The following MAP3K21 variants were observed in gnomAD, a reference collection of about 807,000 sequenced individuals.
The protein encoded by MAP3K21 is mitogen-activated protein kinase kinase kinase 21.
A neutral mutation model predicts 86.1 loss-of-function variants in MAP3K21; 63 were observed. The ratio of observed to expected loss-of-function variants is 0.73; its 90% confidence interval spans 0.60 to 0.90. The LOEUF is 0.90. Ranked by LOEUF, MAP3K21 falls within the 40% of genes least tolerant of loss-of-function variation. The probability of loss-of-function intolerance (pLI) is 0.00; values close to 1 mark genes in which losing one functional copy is unlikely to be tolerated. For missense variants in MAP3K21, 1,220 were observed against 1,367.7 expected, an observed-to-expected ratio of 0.89 and a Z score of 1.70; for synonymous variants, 558 against 564.8, an observed-to-expected ratio of 0.99 and a Z score of 0.17.
intron 1 of MAP3K21, among the ~76,000 whole-genome samples, chr1:233,329,546 C>G (rs1008423932): frequency 4.6e-5 from 7 of 151,842 alleles, no homozygotes; most frequent in African/African-American, 1.7e-4. Context: ...CCCAGCTACT[C>G]GGGAGGCGGA....
Position 233,353,874 on chromosome 1 carries a change from G to A in MAP3K21, c.1054G>A (p.Val352Met), listed in dbSNP as rs759521299. 5.6e-6 allele frequency: 9 copies of A among 1,613,174 alleles called. No individual in the cohort carries two copies. The highest frequency in any genetic ancestry group is 1.3e-5 in the African/African-American group (1 of 74,862). ...CTATCGGGGCATTGATGGCCTCGCC[G>A]TGGCTTATGGGGTAGCAGTCAATAA... Reference protein sequence around the residue: ...VPYRGIDGLAVAYGVAVNKLT... With the variant: ...VPYRGIDGLAMAYGVAVNKLT... Residue 352 changes from valine to methionine, a missense_variant, in exon 3 of 10, where the codon GTG becomes ATG. Around this residue, in one of 5 missense-constraint regions of MAP3K21, gnomAD observed 89 missense variants for 144.8 expected, o/e 0.61. Transcript: ENST00000366624.
chr1:233,327,972 GC>G lies in MAP3K21; in HGVS notation c.-55del. 8.1e-7 allele frequency: 1 copy of G among 1,228,172 alleles called. No homozygotes were observed. Among genetic ancestry groups the G allele is most frequent in the Non-Finnish European group, 1.0e-6 (1 of 985,234 alleles). 76.1% of individuals were successfully genotyped at this position (1,228,172 alleles called of 1,614,324 possible). On this transcript the variant is annotated 5_prime_UTR_variant, in exon 1 of 10. The change abolishes the stop of an existing upstream ORF in the 5' untranslated region. Transcript: ENST00000366624. ...CACCGCCGGACGATGCGCGCCCGCG[GC>G]CGCCCGGGAGGCTGAGCCCAGCTTC... is the stretch of plus-strand genomic sequence containing the variant.
intron 8 of MAP3K21, among the ~76,000 whole-genome samples, chr1:233,378,212 G>T (rs1475409640): frequency 6.6e-6 from 1 of 152,186 alleles, no homozygotes; most frequent in Admixed American, 6.5e-5. Context: ...TGAGTTTGTT[G>T]TTTAATTATG....
chr1:233,339,394 TCC>T (rs1662990468), intron 1 of MAP3K21, among the ~76,000 whole-genome samples: 1 of 102,840 alleles, frequency 9.7e-6, no homozygotes, highest in Non-Finnish European at 1.9e-5. Context: ...CTTCTTCTCC[TCC>T]TTCTCCTCCT....
At chr1:233,358,636 A>G (rs1663410644) in intron 4 of MAP3K21, among the ~76,000 whole-genome samples, 1 of 152,148 alleles carries the variant, frequency 6.6e-6, no homozygotes. Context: ...GTTACTCACA[A>G]TTAGTTACTG....
intron 1 of MAP3K21, among the ~76,000 whole-genome samples, chr1:233,335,771 G>C (rs1319036005): frequency 6.6e-6 from 1 of 152,140 alleles, no homozygotes. Context: ...TTTTAAAAAT[G>C]TTTAATAATA....
rs987598283 is a variant in MAP3K21, at chr1:233,380,097, C to T, written c.2704+387C>T. Among the ~76,000 whole-genome samples the T allele has an allele frequency of 3.3e-5, 5 of 152,182 alleles. No individual in the cohort carries two copies. The East Asian group carries it at 7.7e-4, about 23-fold the overall frequency. ...GGGCCTTGTCTCCTCCACTGCTGTA[C>T]ATGTCATTGTTCTGTTTCTGTTGGG... is the stretch of plus-strand genomic sequence containing the variant. On this transcript the variant is annotated intron_variant, in intron 9 of 9. Coordinates refer to ENST00000366624, the MANE Select transcript of MAP3K21 (RefSeq NM_032435.3).
Position 233,328,590 on chromosome 1 carries a change from G to T in MAP3K21, c.562G>T (p.Gly188Cys). 1 of 1,518,382 alleles carries T rather than the reference G, an allele frequency of 6.6e-7. No individual in the cohort carries two copies. Among genetic ancestry groups the T allele is most frequent in the East Asian group, 2.8e-5 (1 of 35,758 alleles). The allele number at this position is 1,518,382 out of a possible 1,614,324, so 94.1% of individuals were successfully genotyped here. Residue 188 changes from glycine (G) to cysteine (C), a missense_variant, in exon 1 of 10, where the codon GGC becomes TGC. Gly to Cys is a radical substitution (Grantham distance 159). Transcript: ENST00000366624. This position sits in a 1 kb window ranked among gnomAD's most constrained non-coding sequence, Gnocchi z 8.7. ...GCACCCCAACATCATCGAGCTGCGC[G>T]GCGTGTGCCTGCAGCAGCCGCACCT... ...LRHPNIIELRGVCLQQPHLCL... is the reference protein window; with the variant it reads ...LRHPNIIELRCVCLQQPHLCL...
At position 233,328,086 on chromosome 1, in the gene MAP3K21, GCCCCCGGCGGCTCAGCGT is replaced by G; in HGVS notation, c.61_78del (p.Pro21_Ser26del). On this transcript the variant is annotated inframe_deletion, in exon 1 of 10. Coordinates refer to ENST00000366624, the MANE Select transcript of MAP3K21 (RefSeq NM_032435.3). This position sits in a 1 kb window ranked among gnomAD's most constrained non-coding sequence, Gnocchi z 8.7. ...CACCCCGGTGTCCTCGGCCGGGGGA[GCCCCCGGCGGCTCAGCGT>G]CCTCGTCGTCCACCTCCTCGGGCGG... 12 of 1,363,816 alleles carry G rather than the reference GCCCCCGGCGGCTCAGCGT, an allele frequency of 8.8e-6. No individual in the cohort carries two copies. Among genetic ancestry groups the G allele is most frequent in the Non-Finnish European group, 1.1e-5 (12 of 1,065,332 alleles). 84.5% of individuals were successfully genotyped at this position (1,363,816 alleles called of 1,614,324 possible).
chr1:233,382,623 G>A lies in MAP3K21; in HGVS notation c.3023G>A (p.Ser1008Asn), dbSNP rs1376789884. The change falls in exon 10 of 10, where the codon AGC becomes AAC. Residue 1008 changes from serine (S) to asparagine (N), a missense_variant. Ser to Asn is a conservative substitution (Grantham distance 46). Around this residue, in one of 5 missense-constraint regions of MAP3K21, gnomAD observed 632 missense variants for 691.3 expected, o/e 0.91. Coordinates refer to ENST00000366624, the MANE Select transcript of MAP3K21 (RefSeq NM_032435.3). The stretch of plus-strand genomic sequence containing the variant: ...CTGGATGCTGACGTGGAAGGTCAGA[G>A]CAGGGACTACACTGTGCCACTGTGC... ...SLLDADVEGQSRDYTVPLCRM... is the reference protein window; with the variant it reads ...SLLDADVEGQNRDYTVPLCRM... 1 of 1,614,176 alleles carries A rather than the reference G, an allele frequency of 6.2e-7. No individual in the cohort carries two copies. The highest frequency in any genetic ancestry group is 8.5e-7 in the Non-Finnish European group (1 of 1,180,022).
intron 2 of MAP3K21, among the ~76,000 whole-genome samples, chr1:233,350,519 T>C (rs1314874491): frequency 3.3e-5 from 5 of 152,326 alleles, no homozygotes; most frequent in South Asian, 4.1e-4. Flanking sequence ...AAAAGTTTCA[T>C]TCAAAAAGCA....
chr1:233,366,823 T>G (rs1663585316), intron 5 of MAP3K21, among the ~76,000 whole-genome samples: 1 of 152,092 alleles, frequency 6.6e-6, no homozygotes, highest in Non-Finnish European at 1.5e-5. Flanking sequence ...CTATGGTGAT[T>G]TAGTGATAGA....
chr1:233,339,253 T>TGTTCTTCTTCC (rs1662974599), intron 1 of MAP3K21, among the ~76,000 whole-genome samples: 2 of 60,130 alleles, frequency 3.3e-5, no homozygotes, highest in Non-Finnish European at 6.8e-5. Flanking sequence ...CTTCTTCTTC[T>TGTTCTTCTTCC]TCTTCTTCTT....
At chr1:233,330,994 C>A (rs1188373285) in intron 1 of MAP3K21, among the ~76,000 whole-genome samples, 1 of 151,952 alleles carries the variant, frequency 6.6e-6, no homozygotes, top group Non-Finnish European at 1.5e-5. Context: ...GTTTAAAGAA[C>A]TCCTAATATT....
chr1:233,382,946 A>G lies in MAP3K21; in HGVS notation c.*235A>G. The G allele has an allele frequency of 2.4e-6, 1 of 421,926 alleles. No homozygotes were observed. Among genetic ancestry groups the G allele is most frequent in the South Asian group, 3.2e-5 (1 of 31,238 alleles). 26.1% of individuals were successfully genotyped at this position (421,926 alleles called of 1,614,324 possible). A position where few individuals can be genotyped will look rare whatever the true frequency, so the allele number is the denominator to read the frequency against. ...GGAATACACAAAAGTGTAAAACAAG[A>G]GATGTGCACCAATGAAAACTATGCT... On this transcript the variant is annotated 3_prime_UTR_variant, in exon 10 of 10. Coordinates refer to ENST00000366624, the MANE Select transcript of MAP3K21 (RefSeq NM_032435.3).
In MAP3K21 at chr1:233,379,090, C is replaced by T. The variant is rs202108267; in HGVS notation, c.2084C>T (p.Ala695Val). ...EAESWEEAAS[A>V]NAATVSIEMT... is the part of the protein sequence containing the mutation. ...GAAAGCTGGGAGGAGGCAGCCTCTG[C>T]GAATGCTGCCACAGTCTCCATTGAG... is the stretch of plus-strand genomic sequence containing the variant. Residue 695 changes from alanine to valine, a missense_variant, in exon 9 of 10, where the codon GCG (alanine) becomes GTG (valine). Ala to Val is a moderately conservative substitution (Grantham distance 64). Coordinates refer to ENST00000366624, the MANE Select transcript of MAP3K21 (RefSeq NM_032435.3). 316 of 1,614,170 alleles carry T rather than the reference C, an allele frequency of 2.0e-4. 1 individual carries two copies. In the East Asian group the frequency reaches 4.0e-3, roughly 20 times the overall value.
intron 5 of MAP3K21, among the ~76,000 whole-genome samples, chr1:233,371,331 C>T (rs771885711): frequency 2.0e-5 from 3 of 152,024 alleles, no homozygotes; most frequent in Admixed American, 6.5e-5. Context: ...TCATTTAAAT[C>T]CAGGGCCATT....
chr1:233,368,911 G>A (rs1663630807), intron 5 of MAP3K21, among the ~76,000 whole-genome samples: 1 of 133,996 alleles, frequency 7.5e-6, no homozygotes, highest in Non-Finnish European at 1.6e-5. Flanking sequence ...TTCCCACAGA[G>A]AAAGTACTCA....
intron 5 of MAP3K21, among the ~76,000 whole-genome samples, chr1:233,364,018 A>C (rs896364747): frequency 1.3e-5 from 2 of 152,152 alleles, no homozygotes; most frequent in African/African-American, 4.8e-5. Context: ...TGTCTCAAAA[A>C]AAAAAGAGAA....
Sources: gnomAD v4.1 joint callset for allele counts (sites outside exome capture counted in the v4.1 genomes callset) on GRCh38, gnomAD v4.1.1 for gene constraint, gnomAD v4.1.1 regional missense constraint, Gnocchi (gnomAD v3.1) non-coding constraint, MANE v1.5 for transcripts, NCBI Gene and HGNC (gene_info 2026-07-23, HGNC 2026-07-21) for gene names.